The following NUDT21 variants were observed in gnomAD, a reference collection of about 807,000 sequenced individuals.
NUDT21 encodes cleavage and polyadenylation specificity factor subunit 5.
NUDT21 carries 5 observed loss-of-function variants against 29.8 expected under a neutral mutation model. The observed-to-expected ratio is 0.17, with a 90% CI of 0.09 to 0.35. The LOEUF is 0.35. Among genes scored for constraint, NUDT21 ranks in the 10% least tolerant of loss-of-function variants. NUDT21 has a pLI of 1.00. For synonymous variants in NUDT21, 113 were observed against 98.5 expected, an observed-to-expected ratio of 1.15 and a Z score of -0.87; for missense variants, 76 against 276.0, an observed-to-expected ratio of 0.28 and a Z score of 5.13.
chr16:56,446,128 A>C (rs1291533294), intron 3 of NUDT21, among the ~76,000 whole-genome samples: 1 of 152,206 alleles, frequency 6.6e-6, no homozygotes, highest in Non-Finnish European at 1.5e-5. Context: ...AGGCATTACA[A>C]TGATTTTTAA....
chr16:56,448,171 A>AG (rs536408424), intron 1 of NUDT21, among the ~76,000 whole-genome samples, 182 bp from the exon 2 acceptor site: 9 of 152,226 alleles, frequency 5.9e-5, no homozygotes, highest in Non-Finnish European at 1.3e-4. Flanking sequence ...CTGGACTCTT[A>AG]AAGCCAGAGC....
rs759878105 is a variant in NUDT21 at position 56,434,319 on chromosome 16, A to C, written c.662+12T>G. 1 of 1,562,434 alleles carries C rather than the reference A, an allele frequency of 6.4e-7. No homozygotes were observed. The highest frequency in any genetic ancestry group is 1.4e-5 in the African/African-American group (1 of 73,870). ...AATATGGATGAACCAAAAAATGTTC[A>C]ACTTTCTGTACCTGCTCAACAGCTG... On this transcript the variant is annotated intron_variant, in intron 6 of 6. Transcript: ENST00000300291.
intron 4 of NUDT21, 86 bp from the exon 5 acceptor site, chr16:56,434,915 T>C (rs1297559671): frequency 2.5e-6 from 2 of 792,806 alleles, no homozygotes; most frequent in Non-Finnish European, 2.1e-6. Context: ...GTATAAACTG[T>C]TGGGAGAAGC....
intron 4 of NUDT21, among the ~76,000 whole-genome samples, chr16:56,436,209 G>A (rs1216722142): frequency 6.7e-6 from 1 of 150,152 alleles, no homozygotes. Context: ...CTGAGAGCTG[G>A]GGAATTTAAA....
intron 4 of NUDT21, among the ~76,000 whole-genome samples, chr16:56,436,840 CACTTA>C (rs1288292480): frequency 2.1e-5 from 3 of 146,290 alleles, no homozygotes; most frequent in African/African-American, 7.8e-5. Flanking sequence ...TAAATCAATA[CACTTA>C]CCTTATGTCA....
chr16:56,442,361 C>G (rs1962169642), intron 3 of NUDT21, among the ~76,000 whole-genome samples: 1 of 152,160 alleles, frequency 6.6e-6, no homozygotes, highest in Non-Finnish European at 1.5e-5. Flanking sequence ...AACTTTTACC[C>G]ACACACTTGA....
At chr16:56,447,739 C>T in intron 2 of NUDT21, 50 bp downstream of exon 2, 2 of 1,539,444 alleles carry the variant, frequency 1.3e-6, no homozygotes, top group Non-Finnish European at 1.8e-6. Context: ...GCTGCATAAA[C>T]AGCAATCCTA....
At chr16:56,435,130 G>A (rs1348742913) in intron 4 of NUDT21, 1 of 191,960 alleles carries the variant, frequency 5.2e-6, no homozygotes, top group Non-Finnish European at 1.1e-5. Flanking sequence ...TTTTTTGTTT[G>A]TTTGTTTTTT....
chr16:56,432,703 C>T lies in NUDT21; in HGVS notation c.*9G>A, dbSNP rs373835116. 2.7e-5 allele frequency: 43 copies of T among 1,609,874 alleles called. 1 individual carries two copies. The South Asian group carries it at 3.4e-4, about 13-fold the overall frequency. On this transcript the variant is annotated 3_prime_UTR_variant, in exon 7 of 7. Transcript: ENST00000300291. ...AGCGGCTTCTTTTACTTCTCCACTGCGCAGGAATTCAGTTGTAAATAAAAT... is the reference window on the plus strand; with the variant it reads ...AGCGGCTTCTTTTACTTCTCCACTGTGCAGGAATTCAGTTGTAAATAAAAT...
At chr16:56,434,665 A>G (rs1464883857) in intron 5 of NUDT21, 89 bp downstream of exon 5, 3 of 941,254 alleles carry the variant, frequency 3.2e-6, no homozygotes, top group Non-Finnish European at 5.1e-6. Flanking sequence ...CAAAAGTTCA[A>G]GGAACTTTGA....
Position 56,429,810 on chromosome 16 carries a change from T to C in NUDT21, c.*2902A>G, listed in dbSNP as rs1378449390. 6.6e-6 allele frequency: 1 copy of C among 152,200 alleles called. No individual in the cohort carries two copies. Among genetic ancestry groups the C allele is most frequent in the Non-Finnish European group, 1.5e-5 (1 of 68,022 alleles). 9.4% of individuals were successfully genotyped at this position (152,200 alleles called of 1,614,324 possible). ...TTGGCATATACTGTTCCAAACACTA[T>C]GAACTAGTAAAAACATTAAGTTTGA... On this transcript the variant is annotated 3_prime_UTR_variant, in exon 7 of 7. Transcript: ENST00000300291.
chr16:56,436,108 A>G (rs1446126450), intron 4 of NUDT21, among the ~76,000 whole-genome samples: 2 of 151,588 alleles, frequency 1.3e-5, no homozygotes, highest in Non-Finnish European at 2.9e-5. Context: ...ATTCTGACAC[A>G]GAACAAAAAA....
chr16:56,435,578 T>C (rs1471332453), intron 4 of NUDT21, among the ~76,000 whole-genome samples: 1 of 147,672 alleles, frequency 6.8e-6, no homozygotes, highest in South Asian at 2.1e-4. Flanking sequence ...TACAAAAAAT[T>C]AGCCAGGCGT....
At chr16:56,435,159 T>C (rs1335256734) in intron 4 of NUDT21, 3 of 170,006 alleles carry the variant, frequency 1.8e-5, no homozygotes, top group African/African-American at 7.2e-5. Context: ...GTTTTGCTCT[T>C]GTTGCCTAGG....
intron 5 of NUDT21, 47 bp from the exon 6 acceptor site, chr16:56,434,492 G>C: frequency 9.5e-7 from 1 of 1,057,508 alleles, no homozygotes. Flanking sequence ...TATAATCACT[G>C]CTTCCATTTC....
In NUDT21 at chr16:56,434,824, T is replaced by A. The variant is rs111511139; in HGVS notation, c.477A>T (p.Pro159=). The A allele has an allele frequency of 4.7e-5, 73 of 1,562,580 alleles. No individual in the cohort carries two copies. In the African/African-American group the frequency reaches 5.2e-4, roughly 11 times the overall value. The change falls in exon 5 of 7, where the codon CCA becomes CCT. Residue 159 remains proline (P), a synonymous_variant. Coordinates refer to ENST00000300291, the MANE Select transcript of NUDT21 (RefSeq NM_007006.3). ...GCTTTGTAATATGTGCAGGAATATA[T>A]GGATACTGAAATTACAAATGAATAC... ...WRPNFEPPQY[P]YIPAHITKPK... is the part of the protein sequence containing the mutation.
Position 56,432,690 on chromosome 16 carries a change from T to C in NUDT21, c.*22A>G. On this transcript the variant is annotated 3_prime_UTR_variant, in exon 7 of 7. Transcript: ENST00000300291. ...GCTCACAGAGACAAGCGGCTTCTTT[T>C]ACTTCTCCACTGCGCAGGAATTCAG... The C allele has an allele frequency of 6.2e-7, 1 of 1,607,986 alleles. No homozygotes were observed. Among genetic ancestry groups the C allele is most frequent in the Non-Finnish European group, 8.5e-7 (1 of 1,176,644 alleles).
chr16:56,441,921 G>A (rs1410425571), intron 3 of NUDT21, among the ~76,000 whole-genome samples: 1 of 151,992 alleles, frequency 6.6e-6, no homozygotes, highest in Non-Finnish European at 1.5e-5. Context: ...TTCAAGACAA[G>A]ATCTGTCACC....
Position 56,430,334 on chromosome 16 carries a change from A to G in NUDT21, c.*2378T>C, listed in dbSNP as rs754405164. On this transcript the variant is annotated 3_prime_UTR_variant, in exon 7 of 7. Coordinates refer to ENST00000300291, the MANE Select transcript of NUDT21 (RefSeq NM_007006.3). Reference sequence around the variant, plus strand: ...ATAAACCTTTATAGTTTTTCCCCCTAATCTACTAAACATATTCCAGTGTCA... The same window carrying G: ...ATAAACCTTTATAGTTTTTCCCCCTGATCTACTAAACATATTCCAGTGTCA... 2 of 152,192 alleles carry G rather than the reference A, an allele frequency of 1.3e-5. No individual in the cohort carries two copies. Among genetic ancestry groups the G allele is most frequent in the Non-Finnish European group, 2.9e-5 (2 of 68,022 alleles). 9.4% of individuals were successfully genotyped at this position (152,192 alleles called of 1,614,324 possible).
Sources: allele counts gnomAD v4.1 joint callset (sites outside exome capture counted in the v4.1 genomes callset), GRCh38; gene constraint gnomAD v4.1.1; transcripts MANE v1.5; gene names NCBI Gene and HGNC (gene_info 2026-07-23, HGNC 2026-07-21).